TOMM70: variants seen among roughly 807,000 people sequenced by gnomAD.
The protein encoded by TOMM70 is translocase of outer mitochondrial membrane 70, also known as mitochondrial import receptor subunit TOM70.
TOMM70 carries 13 observed loss-of-function variants against 73.6 expected under a neutral mutation model. The observed-to-expected ratio is 0.18, with a 90% CI of 0.11 to 0.28. TOMM70 has a LOEUF of 0.28. TOMM70 is among the 10% of genes least tolerant of loss of function. The pLI is 1.00. For synonymous variants in TOMM70, 257 were observed against 271.2 expected, an observed-to-expected ratio of 0.95 and a Z score of 0.51; for missense variants, 609 against 747.5, an observed-to-expected ratio of 0.81 and a Z score of 2.16.
intron 9 of TOMM70, among the ~76,000 whole-genome samples, chr3:100,369,753 G>A (rs180702604): frequency 3.3e-5 from 5 of 152,098 alleles, no homozygotes; most frequent in South Asian, 4.2e-4. Context: ...CACCCACCTC[G>A]GCCTCCCAAA....
chr3:100,395,259 C>T (rs908035725), intron 1 of TOMM70, among the ~76,000 whole-genome samples: 3 of 152,066 alleles, frequency 2.0e-5, no homozygotes, highest in Non-Finnish European at 4.4e-5. Context: ...ATCCCAGCTA[C>T]TCGGGAGGCT....
chr3:100,386,255 G>A lies in TOMM70; in HGVS notation c.588C>T (p.Ala196=), dbSNP rs150940502. Residue 196 remains alanine (A), a synonymous_variant, in exon 3 of 12, where the codon GCC becomes GCT. Coordinates refer to ENST00000284320, the MANE Select transcript of TOMM70 (RefSeq NM_014820.5). The part of the protein sequence containing the change: ...YVKALFRRAK[A]HEKLDNKKEC... ...CCTTCTTATTGTCTAGCTTCTCATG[G>A]GCTTTTGCACGTCTAAAGAGAGCTT... 5 of 1,612,506 alleles carry A rather than the reference G, an allele frequency of 3.1e-6. No homozygotes were observed. In the Admixed American group the frequency reaches 6.7e-5, roughly 22 times the overall value.
chr3:100,387,089 T>C, intron 1 of TOMM70, 111 bp from the exon 2 acceptor site: 5 of 1,110,320 alleles, frequency 4.5e-6, no homozygotes, highest in Non-Finnish European at 6.4e-6. Context: ...CTGTTTACAA[T>C]GTAAGTTGCT....
rs566039611 is a variant in TOMM70, at chr3:100,366,917, T to G, written c.1673+1127A>C. ...GAATATTTTATTCACATTAACAAAT[T>G]AGCAATTAAGAAATAATTTAGGCTG... is the stretch of plus-strand genomic sequence containing the variant. On this transcript the variant is annotated intron_variant, in intron 11 of 11. Coordinates refer to ENST00000284320, the MANE Select transcript of TOMM70 (RefSeq NM_014820.5). Among the ~76,000 whole-genome samples, 4 of 152,322 alleles carry G rather than the reference T, an allele frequency of 2.6e-5. No individual in the cohort carries two copies. In the South Asian group the frequency reaches 6.2e-4, roughly 24 times the overall value.
chr3:100,386,144 C>A, intron 3 of TOMM70, 74 bp downstream of exon 3: 1 of 1,487,564 alleles, frequency 6.7e-7, no homozygotes, highest in South Asian at 1.4e-5. Flanking sequence ...ACTCACAAGG[C>A]AGTTTCATAT....
rs1206453006 is a variant in TOMM70, at chr3:100,386,810, G to A, written c.493C>T (p.Gln165Ter). Residue 165 changes from glutamine to a stop codon, truncating the protein, a stop_gained, in exon 2 of 12, where the codon CAG (glutamine) becomes TAG (stop). Coordinates refer to ENST00000284320, the MANE Select transcript of TOMM70 (RefSeq NM_014820.5). LOFTEE classifies it high-confidence loss of function. ...FYQNRAAAFE[Q>*]LQKWKEVAQD... ...AAACAACCTAGAGTACATACCAACT[G>A]TTCAAAGGCAGCAGCTCTGTTTTGA... is the stretch of plus-strand genomic sequence containing the variant. The A allele has an allele frequency of 6.2e-7, 1 of 1,613,768 alleles. No individual in the cohort carries two copies.
rs1019266714 is a variant in TOMM70 at position 100,363,762 on chromosome 3, A to G, written c.*1802T>C. 1 of 152,532 alleles carries G rather than the reference A, an allele frequency of 6.6e-6. No individual in the cohort carries two copies. Among genetic ancestry groups the G allele is most frequent in the Admixed American group, 6.5e-5 (1 of 15,282 alleles). The allele number at this position is 152,532 out of a possible 1,614,324, so 9.4% of individuals were successfully genotyped here. A position where few individuals can be genotyped will look rare whatever the true frequency, so the allele number is the denominator to read the frequency against. On this transcript the variant is annotated 3_prime_UTR_variant, in exon 12 of 12. Transcript: ENST00000284320. Reference sequence around the variant, plus strand: ...ATTCAGAGATGTAGAACATTTCTGTATTTGGGGGTTATCAGAAGGTGCATA... The same window carrying G: ...ATTCAGAGATGTAGAACATTTCTGTGTTTGGGGGTTATCAGAAGGTGCATA...
In TOMM70 at chr3:100,368,074, T is replaced by C. The variant is rs150870478; in HGVS notation, c.1643A>G (p.Tyr548Cys). The change falls in exon 11 of 12, where the codon TAT becomes TGT. Residue 548 changes from tyrosine to cysteine, a missense_variant. Physicochemically the swap from Tyr to Cys is radical, Grantham distance 194. Around this residue, in one of 2 missense-constraint regions of TOMM70, gnomAD observed 432 missense variants for 584.1 expected, o/e 0.74. Transcript: ENST00000284320. ...TACTTCAATAGTTCCCATGGTTTCATAGGCAAAATCACATTTATTGTCAAT... is the reference window on the plus strand; with the variant it reads ...TACTTCAATAGTTCCCATGGTTTCACAGGCAAAATCACATTTATTGTCAAT... ...IEIDNKCDFA[Y>C]ETMGTIEVQR... is the part of the protein sequence containing the mutation. 5.9e-5 allele frequency: 95 copies of C among 1,613,864 alleles called. No homozygotes were observed. The highest frequency in any genetic ancestry group is 1.6e-4 in the Middle Eastern group (1 of 6,080).
At chr3:100,384,366 C>T in intron 4 of TOMM70, 113 bp downstream of exon 4, 1 of 637,476 alleles carries the variant, frequency 1.6e-6, no homozygotes, top group South Asian at 2.9e-5. Flanking sequence ...TAACCCAGTT[C>T]TAATTGCAGT....
chr3:100,398,793 C>T (rs1436693243), intron 1 of TOMM70, among the ~76,000 whole-genome samples: 1 of 152,158 alleles, frequency 6.6e-6, no homozygotes, highest in Admixed American at 6.5e-5. Context: ...GCTTACAAAT[C>T]CTAGTTCTAA....
rs1341402676 is a variant in TOMM70 at position 100,377,980 on chromosome 3, C to A, written c.885-68G>T. ...AATTAAATGTGGCTGGGTGTGGTGG[C>A]TCACGCCTGTAATCCCAGCACTTTG... On this transcript the variant is annotated intron_variant, in intron 5 of 11. Coordinates refer to ENST00000284320, the MANE Select transcript of TOMM70 (RefSeq NM_014820.5). The A allele has an allele frequency of 2.1e-6, 3 of 1,407,908 alleles. No individual in the cohort carries two copies. The African/African-American group carries it at 4.3e-5, about 20-fold the overall frequency. The allele number at this position is 1,407,908 out of a possible 1,614,324, so 87.2% of individuals were successfully genotyped here.
intron 1 of TOMM70, among the ~76,000 whole-genome samples, chr3:100,397,456 A>G (rs1171433399): frequency 6.6e-6 from 1 of 152,264 alleles, no homozygotes; most frequent in Non-Finnish European, 1.5e-5. Flanking sequence ...AGGCCTACAT[A>G]TTCCACAAGA....
intron 1 of TOMM70, among the ~76,000 whole-genome samples, chr3:100,390,359 ACAATG>A (rs2148893794): frequency 6.6e-6 from 1 of 152,338 alleles, no homozygotes; most frequent in Non-Finnish European, 1.5e-5. Context: ...ACACCACATA[ACAATG>A]TTTTAGTCAA....
rs1245227478 is a variant in TOMM70, at chr3:100,364,836, G to C, written c.*728C>G. ...CTGTTTCATCTTACCTCTTTGTCTG[G>C]TCCACTCCCCCATCAATACTCAGTC... On this transcript the variant is annotated 3_prime_UTR_variant, in exon 12 of 12. Coordinates refer to ENST00000284320, the MANE Select transcript of TOMM70 (RefSeq NM_014820.5). 6.6e-6 allele frequency: 1 copy of C among 152,038 alleles called. No homozygotes were observed. The highest frequency in any genetic ancestry group is 1.5e-5 in the Non-Finnish European group (1 of 68,002). 9.4% of individuals were successfully genotyped at this position (152,038 alleles called of 1,614,324 possible). A position where few individuals can be genotyped will look rare whatever the true frequency, so the allele number is the denominator to read the frequency against.
chr3:100,400,586 G>A (rs757342219), intron 1 of TOMM70, 40 bp downstream of exon 1: 28 of 1,591,036 alleles, frequency 1.8e-5, no homozygotes, highest in East Asian at 4.6e-5. Context: ...AAAGCTGCAC[G>A]AGCCAGTTTC....
chr3:100,367,905 G>C, intron 11 of TOMM70, 139 bp downstream of exon 11: 1 of 934,404 alleles, frequency 1.1e-6, no homozygotes, highest in Non-Finnish European at 1.5e-6. Context: ...CACTGCCTTA[G>C]CACATTTTTT....
At chr3:100,398,148 C>G (rs1459518953) in intron 1 of TOMM70, among the ~76,000 whole-genome samples, 3 of 151,844 alleles carry the variant, frequency 2.0e-5, no homozygotes, top group Non-Finnish European at 4.4e-5. Flanking sequence ...CTTTGGGAGG[C>G]CGAGGTGGGT....
intron 1 of TOMM70, among the ~76,000 whole-genome samples, chr3:100,388,904 A>G (rs578234809): frequency 2.6e-5 from 4 of 152,198 alleles, no homozygotes; most frequent in Non-Finnish European, 4.4e-5. Flanking sequence ...GAATGGGGGA[A>G]ACCTGACAGA....
At chr3:100,377,974 T>A (rs552497062) in intron 5 of TOMM70, 62 bp from the exon 6 acceptor site, 2 of 1,476,272 alleles carry the variant, frequency 1.4e-6, no homozygotes, top group South Asian at 1.2e-5. Flanking sequence ...TGGCTGGGTG[T>A]GGTGGCTCAC....
Sources: gnomAD v4.1 joint callset for allele counts (sites outside exome capture counted in the v4.1 genomes callset) on GRCh38, gnomAD v4.1.1 for gene constraint, gnomAD v4.1.1 regional missense constraint, MANE v1.5 for transcripts, NCBI Gene and HGNC (gene_info 2026-07-23, HGNC 2026-07-21) for gene names.